SLC8A1: variants seen among roughly 807,000 people sequenced by gnomAD.
The protein encoded by SLC8A1 is solute carrier family 8 member A1.
A neutral mutation model predicts 68.3 loss-of-function variants in SLC8A1; 18 were observed. The ratio of observed to expected loss-of-function variants is 0.26; its 90% confidence interval spans 0.18 to 0.39. The LOEUF is 0.39. Ranked by LOEUF, SLC8A1 falls within the 10% of genes least tolerant of loss-of-function variation. The pLI is 1.00. For missense variants in SLC8A1, 985 were observed against 1,156.7 expected (o/e 0.85, Z 2.15); for synonymous variants, 475 against 415.5 (o/e 1.14, Z -1.74).
chr2:40,401,930 G>A (rs1158606180), intron 2 of SLC8A1, among the ~76,000 whole-genome samples: 3 of 152,112 alleles, frequency 2.0e-5, no homozygotes, highest in African/African-American at 7.2e-5. Flanking sequence ...TACATATACA[G>A]ATTGCCCCAT....
chr2:40,098,468 A>G (rs759784474), exon 8 of SLC8A1: 3 of 152,132 alleles, frequency 2.0e-5, no homozygotes, highest in East Asian at 1.9e-4. Flanking sequence ...GTTAACTTAC[A>G]TGGAATGGTT....
At chr2:40,503,002 G>A (rs1275345759) in intron 1 of SLC8A1, among the ~76,000 whole-genome samples, 1 of 151,704 alleles carries the variant, frequency 6.6e-6, no homozygotes, top group Non-Finnish European at 1.5e-5. Flanking sequence ...TCTGGAAAGA[G>A]GGATAAAGGG....
chr2:40,219,178 T>C (rs2057947824), intron 2 of SLC8A1, among the ~76,000 whole-genome samples: 1 of 152,156 alleles, frequency 6.6e-6, no homozygotes, highest in Non-Finnish European at 1.5e-5. Flanking sequence ...AGTTGGGTCA[T>C]GGAGATTAAT....
intron 2 of SLC8A1, among the ~76,000 whole-genome samples, chr2:40,411,848 C>A (rs1317558724): frequency 1.3e-5 from 2 of 151,920 alleles, no homozygotes; most frequent in Admixed American, 6.6e-5. Context: ...TTAAAAATTT[C>A]TTATATTGGG....
chr2:40,358,152 C>T (rs1286599203), intron 2 of SLC8A1, among the ~76,000 whole-genome samples: 4 of 151,062 alleles, frequency 2.6e-5, no homozygotes, highest in Non-Finnish European at 4.4e-5. Flanking sequence ...AGCATTTATC[C>T]ATCCACTCAT....
At chr2:40,325,964 A>T (rs188348738) in intron 2 of SLC8A1, among the ~76,000 whole-genome samples, 102 of 152,120 alleles carry the variant, frequency 6.7e-4, no homozygotes, top group African/African-American at 2.4e-3. Flanking sequence ...GGCCTCCATA[A>T]TGTCAAGAAG....
intron 2 of SLC8A1, among the ~76,000 whole-genome samples, chr2:40,285,478 A>G (rs188049870): frequency 6.6e-6 from 1 of 152,258 alleles, no homozygotes; most frequent in East Asian, 1.9e-4. Flanking sequence ...CTCCCATAGT[A>G]TAGCAACAAT....
In SLC8A1 at chr2:40,486,814, C is replaced by A. The variant is rs1179738822; in HGVS notation, c.-25+25535G>T. Reference sequence around the variant, plus strand: ...TGCATACATGTGCCATGTTGGTGTGCTGCACCTGTTAACTCGTCATTTACA... The same window carrying A: ...TGCATACATGTGCCATGTTGGTGTGATGCACCTGTTAACTCGTCATTTACA... On this transcript the variant is annotated intron_variant, in intron 1 of 7. Transcript: ENST00000402441. Among the ~76,000 whole-genome samples, 6 of 150,838 alleles carry A rather than the reference C, an allele frequency of 4.0e-5. No homozygotes were observed. The East Asian group carries it at 1.2e-3, about 30-fold the overall frequency.
At chr2:40,429,278 GCTTAAGTTC>G in exon 2 of SLC8A1, 1 of 1,613,850 alleles carries the variant, frequency 6.2e-7, no homozygotes, top group Non-Finnish European at 8.5e-7. Flanking sequence ...GGATGCTTCT[GCTTAAGTTC>G]CTTCAGAATC....
chr2:40,271,740 C>T (rs1314142858), intron 2 of SLC8A1, among the ~76,000 whole-genome samples: 3 of 152,238 alleles, frequency 2.0e-5, no homozygotes, highest in Admixed American at 6.5e-5. Flanking sequence ...AAGTGAAAGA[C>T]ACCGTGATAT....
intron 2 of SLC8A1, among the ~76,000 whole-genome samples, chr2:40,312,866 A>G (rs2073915701): frequency 6.6e-6 from 1 of 152,078 alleles, no homozygotes; most frequent in South Asian, 2.1e-4. Flanking sequence ...CAGTTTTTTA[A>G]CAGCTTTATT....
chr2:40,127,885 T>C (rs1218414037), intron 7 of SLC8A1, among the ~76,000 whole-genome samples: 5 of 152,228 alleles, frequency 3.3e-5, no homozygotes, highest in Non-Finnish European at 5.9e-5. Flanking sequence ...GATGCTGAGC[T>C]GAACAAAGGT....
intron 2 of SLC8A1, among the ~76,000 whole-genome samples, chr2:40,339,682 T>C (rs901921013): frequency 9.9e-5 from 15 of 152,176 alleles, no homozygotes; most frequent in Admixed American, 9.8e-4. Flanking sequence ...CACACATGCA[T>C]AGGAAAATTT....
chr2:40,418,710 T>A (rs1694612944), intron 2 of SLC8A1, among the ~76,000 whole-genome samples: 1 of 152,228 alleles, frequency 6.6e-6, no homozygotes, highest in Non-Finnish European at 1.5e-5. Flanking sequence ...CTATTTCACA[T>A]TCTTCTGAGT....
intron 1 of SLC8A1, among the ~76,000 whole-genome samples, chr2:40,491,044 C>G (rs893397570): frequency 3.3e-5 from 5 of 152,148 alleles, no homozygotes; most frequent in Non-Finnish European, 1.5e-5. Flanking sequence ...GTGTCTCTCT[C>G]TCTATAAAAA....
chr2:40,207,680 C>T (rs1413250477), intron 2 of SLC8A1, among the ~76,000 whole-genome samples: 7 of 152,042 alleles, frequency 4.6e-5, no homozygotes, highest in African/African-American at 1.7e-4. Context: ...CCCCATATTA[C>T]AGATTCTGGC....
exon 8 of SLC8A1, chr2:40,107,291 A>G (rs1241113168): frequency 6.7e-6 from 1 of 149,436 alleles, no homozygotes; most frequent in Non-Finnish European, 1.5e-5. Flanking sequence ...AAAAAAAAAA[A>G]AAAAAAAAGA....
At chr2:40,491,246 A>G (rs1576659817) in intron 1 of SLC8A1, among the ~76,000 whole-genome samples, 1 of 152,116 alleles carries the variant, frequency 6.6e-6, no homozygotes, top group Non-Finnish European at 1.5e-5. Flanking sequence ...CTTTGAAGCA[A>G]TTGTGAATGG....
intron 2 of SLC8A1, among the ~76,000 whole-genome samples, chr2:40,292,531 T>G (rs12470362): frequency 2.6e-5 from 4 of 152,162 alleles, no homozygotes; most frequent in Admixed American, 2.0e-4. Flanking sequence ...TACATGATTA[T>G]CCATCATGGG....
Sources: gnomAD v4.1 joint callset for allele counts (sites outside exome capture counted in the v4.1 genomes callset) on GRCh38, gnomAD v4.1.1 for gene constraint, MANE v1.5 for transcripts, NCBI Gene and HGNC (gene_info 2026-07-23, HGNC 2026-07-21) for gene names.